Variants in MARVELD2 observed in about 807,000 individuals in gnomAD.
MARVELD2 encodes MARVEL domain-containing protein 2.
In MARVELD2, 49 loss-of-function variants were observed where a neutral mutation model predicts 57.6. The observed-to-expected ratio is 0.85, with a 90% CI of 0.68 to 1.08. The LOEUF (loss-of-function observed/expected upper bound fraction) is 1.08. Ranked by LOEUF, MARVELD2 falls within the 50% of genes least tolerant of loss-of-function variation. The pLI is 0.00. For missense variants in MARVELD2, 606 were observed against 701.1 expected, an observed-to-expected ratio of 0.86 and a Z score of 1.53; for synonymous variants, 238 against 258.8, an observed-to-expected ratio of 0.92 and a Z score of 0.77.
chr5:69,425,558 AAACC>A (rs1329062892), intron 3 of MARVELD2, among the ~76,000 whole-genome samples: 1 of 151,500 alleles, frequency 6.6e-6, no homozygotes, highest in East Asian at 1.9e-4. Context: ...GCAAGTAAAC[AAACC>A]AACATATGTT....
Position 69,441,674 on chromosome 5 carries a change from T to C in MARVELD2, c.*20T>C. On this transcript the variant is annotated 3_prime_UTR_variant, in exon 7 of 7. Transcript: ENST00000325631. ...TCTTAACGCTTATTTGAAACCACTTTATTTTTTTATTTTATTTTATTTTTT... is the reference window on the plus strand; with the variant it reads ...TCTTAACGCTTATTTGAAACCACTTCATTTTTTTATTTTATTTTATTTTTT... 2 of 1,492,654 alleles carry C rather than the reference T, an allele frequency of 1.3e-6. No individual in the cohort carries two copies. Among genetic ancestry groups the C allele is most frequent in the Non-Finnish European group, 1.9e-6 (2 of 1,077,896 alleles). 92.5% of individuals were successfully genotyped at this position (1,492,654 alleles called of 1,614,324 possible).
intron 2 of MARVELD2, among the ~76,000 whole-genome samples, chr5:69,421,752 A>G (rs1766632789): frequency 6.7e-6 from 1 of 149,020 alleles, no homozygotes. Context: ...GTGAGCCACC[A>G]TGCCTGGCCC....
chr5:69,439,159 T>C (rs1206811211), intron 5 of MARVELD2, among the ~76,000 whole-genome samples: 2 of 151,596 alleles, frequency 1.3e-5, no homozygotes, highest in Admixed American at 6.6e-5. Context: ...ATTTTATTAG[T>C]TTTTTATTTA....
At chr5:69,441,399 C>A in intron 6 of MARVELD2, 133 bp from the exon 7 acceptor site, 1 of 1,002,936 alleles carries the variant, frequency 1.0e-6, no homozygotes, top group South Asian at 1.5e-5. Context: ...GAGAGCTTAA[C>A]TGTTACCCTG....
intron 2 of MARVELD2, among the ~76,000 whole-genome samples, chr5:69,421,148 A>G (rs528412485): frequency 1.3e-5 from 2 of 152,284 alleles, no homozygotes; most frequent in South Asian, 2.1e-4. Flanking sequence ...CATTGTTTTT[A>G]TATTTCTAGA....
In MARVELD2 at chr5:69,439,757, G is replaced by GA. The variant is rs1331196287; in HGVS notation, c.1504-683dup. 1.7e-3 allele frequency among the ~76,000 whole-genome samples: 246 copies of GA among 143,058 alleles called. 2 individuals are homozygous for GA. The highest frequency in any genetic ancestry group is 3.9e-3 in the African/African-American group (154 of 39,106). The allele number at this position is 143,058 out of a possible 152,430, so 93.9% of individuals were successfully genotyped here. ...CGACAGAGGGAGACTGTCTTAAAAT[G>GA]AAAAAAAAAACGCTGTAAATTATTA... On this transcript the variant is annotated intron_variant, in intron 5 of 6. Coordinates refer to ENST00000325631, the MANE Select transcript of MARVELD2 (RefSeq NM_001038603.3).
chr5:69,440,280 C>T (rs1221155712), intron 5 of MARVELD2, among the ~76,000 whole-genome samples, 170 bp from the exon 6 acceptor site: 2 of 152,156 alleles, frequency 1.3e-5, no homozygotes, highest in East Asian at 3.9e-4. Context: ...CTGGGCCTAG[C>T]AGACAGTAAG....
At chr5:69,424,195 C>G (rs1445838320) in intron 2 of MARVELD2, among the ~76,000 whole-genome samples, 1 of 152,178 alleles carries the variant, frequency 6.6e-6, no homozygotes, top group African/African-American at 2.4e-5. Context: ...TTGTGCCTGT[C>G]TGTACGTTGC....
intron 3 of MARVELD2, among the ~76,000 whole-genome samples, chr5:69,431,646 G>C (rs1766966667): frequency 6.6e-6 from 1 of 151,894 alleles, no homozygotes; most frequent in African/African-American, 2.4e-5. Flanking sequence ...ACATGTACAC[G>C]ATTGGGGCTG....
At chr5:69,417,562 G>T (rs1408567604) in intron 1 of MARVELD2, among the ~76,000 whole-genome samples, 1 of 152,186 alleles carries the variant, frequency 6.6e-6, no homozygotes, top group Admixed American at 6.5e-5. Flanking sequence ...CCAGCACTTT[G>T]GGTGGCCAAG....
intron 5 of MARVELD2, 103 bp from the exon 6 acceptor site, chr5:69,440,347 C>T: frequency 1.6e-6 from 1 of 631,926 alleles, no homozygotes; most frequent in African/African-American, 1.8e-5. Context: ...TCATTATTTT[C>T]TTAGGTAAAA....
intron 3 of MARVELD2, among the ~76,000 whole-genome samples, chr5:69,426,484 G>A (rs185415453): frequency 5.9e-5 from 9 of 151,686 alleles, no homozygotes; most frequent in Admixed American, 3.3e-4. Context: ...ACAGGCGCCC[G>A]CCACCACACC....
At chr5:69,428,632 A>G (rs1766867277) in intron 3 of MARVELD2, among the ~76,000 whole-genome samples, 1 of 147,652 alleles carries the variant, frequency 6.8e-6, no homozygotes, top group Non-Finnish European at 1.5e-5. Flanking sequence ...AGGGATGGGC[A>G]AGTAAGAAAA....
In MARVELD2 at chr5:69,420,036, G is replaced by A; in HGVS notation, c.651G>A (p.Lys217=). The A allele has an allele frequency of 6.2e-7, 1 of 1,614,174 alleles. No individual in the cohort carries two copies. The highest frequency in any genetic ancestry group is 2.2e-5 in the East Asian group (1 of 44,886). The change falls in exon 2 of 7, where the codon AAG becomes AAA. Residue 217 remains lysine (K), a synonymous_variant. Coordinates refer to ENST00000325631, the MANE Select transcript of MARVELD2 (RefSeq NM_001038603.3). ...VFACVTAYIH[K]DSEWYNLFGY... is the part of the protein sequence containing the mutation. The stretch of plus-strand genomic sequence containing the variant: ...CTTGTGTCACAGCTTACATTCACAA[G>A]GACAGTGAGTGGTACAACTTGTTTG...
At chr5:69,435,805 T>C (rs937479784) in intron 5 of MARVELD2, among the ~76,000 whole-genome samples, 7 of 151,470 alleles carry the variant, frequency 4.6e-5, no homozygotes, top group Non-Finnish European at 8.8e-5. Context: ...TTAGCAGTTA[T>C]TTCCCATTCT....
chr5:69,435,285 A>G (rs1039230047), intron 5 of MARVELD2, among the ~76,000 whole-genome samples: 1 of 151,890 alleles, frequency 6.6e-6, no homozygotes, highest in Admixed American at 6.6e-5. Context: ...AAGTGCTGGT[A>G]TTACAGGCAT....
intron 3 of MARVELD2, among the ~76,000 whole-genome samples, chr5:69,430,840 T>A (rs1766941110): frequency 6.6e-6 from 1 of 152,040 alleles, no homozygotes; most frequent in African/African-American, 2.4e-5. Context: ...GGCCCAGTTC[T>A]GGGTTTTAAT....
At chr5:69,436,837 G>C (rs1214453023) in intron 5 of MARVELD2, among the ~76,000 whole-genome samples, 2 of 152,022 alleles carry the variant, frequency 1.3e-5, no homozygotes, top group East Asian at 1.9e-4. Context: ...ATCCTGACCT[G>C]TAAGGCCGGG....
chr5:69,427,349 A>C (rs1346118182), intron 3 of MARVELD2, among the ~76,000 whole-genome samples: 1 of 151,984 alleles, frequency 6.6e-6, no homozygotes, highest in African/African-American at 2.4e-5. Flanking sequence ...AGAATCAAGA[A>C]TTGGAGAAAT....
Sources: allele counts gnomAD v4.1 joint callset (sites outside exome capture counted in the v4.1 genomes callset), GRCh38; gene constraint gnomAD v4.1.1; transcripts MANE v1.5; gene names NCBI Gene and HGNC (gene_info 2026-07-23, HGNC 2026-07-21).